The following CNTN5 variants were observed in gnomAD, a reference collection of about 807,000 sequenced individuals.
CNTN5 encodes contactin 5.
Under a neutral mutation model 129.1 loss-of-function variants are expected in CNTN5, and 77 were observed. The observed-to-expected ratio is 0.60, with a 90% CI of 0.50 to 0.72. The LOEUF (loss-of-function observed/expected upper bound fraction) is 0.72, where lower values mean the gene tolerates loss of function less well. Among genes scored for constraint, CNTN5 ranks in the 30% least tolerant of loss-of-function variants. The pLI is 0.00. For synonymous variants in CNTN5, 509 were observed against 465.6 expected (o/e 1.09, Z -1.20); for missense variants, 1,478 against 1,328.8 (o/e 1.11, Z -1.75).
At chr11:99,390,226 T>A (rs1055967396) in intron 2 of CNTN5, among the ~76,000 whole-genome samples, 1 of 151,996 alleles carries the variant, frequency 6.6e-6, no homozygotes, top group African/African-American at 2.4e-5. Flanking sequence ...CAAGCAATCC[T>A]ACTGCCTCAA....
At chr11:99,162,828 TC>T (rs904288043) in intron 1 of CNTN5, among the ~76,000 whole-genome samples, 2 of 152,196 alleles carry the variant, frequency 1.3e-5, no homozygotes, top group African/African-American at 4.8e-5. Flanking sequence ...AAATAAATGA[TC>T]AGTGAATGTG....
At chr11:99,352,794 C>T (rs903711058) in intron 2 of CNTN5, among the ~76,000 whole-genome samples, 1 of 152,164 alleles carries the variant, frequency 6.6e-6, no homozygotes, top group Non-Finnish European at 1.5e-5. Context: ...GAGGAAGGCT[C>T]TGGCCTACGT....
intron 7 of CNTN5, among the ~76,000 whole-genome samples, chr11:99,949,229 T>C (rs967195809): frequency 6.6e-6 from 1 of 152,222 alleles, no homozygotes; most frequent in African/African-American, 2.4e-5. Context: ...AAGTATCTAC[T>C]CTTGTTGTTG....
At chr11:99,998,980 C>G (rs889392815) in intron 8 of CNTN5, among the ~76,000 whole-genome samples, 2 of 151,964 alleles carry the variant, frequency 1.3e-5, no homozygotes, top group Non-Finnish European at 2.9e-5. Context: ...TGGATCCCTT[C>G]CTTACACCTT....
intron 1 of CNTN5, among the ~76,000 whole-genome samples, chr11:99,170,989 A>G (rs188386393): frequency 6.6e-6 from 1 of 152,336 alleles, no homozygotes; most frequent in Non-Finnish European, 1.5e-5. Context: ...TTAAAAATAG[A>G]AAGTCAAGAC....
At chr11:99,464,689 T>C (rs192715773) in intron 2 of CNTN5, among the ~76,000 whole-genome samples, 150 of 152,306 alleles carry the variant, frequency 9.8e-4, no homozygotes, top group African/African-American at 3.3e-3. Flanking sequence ...TTCAATTGGT[T>C]GAAGTTGAAA....
At chr11:100,260,330 G>A (rs770759797) in intron 17 of CNTN5, among the ~76,000 whole-genome samples, 1 of 152,168 alleles carries the variant, frequency 6.6e-6, no homozygotes, top group Non-Finnish European at 1.5e-5. Flanking sequence ...AGAAGCCCAG[G>A]ACCAGACAGA....
chr11:99,096,500 T>C (rs1866472029), intron 1 of CNTN5, among the ~76,000 whole-genome samples: 1 of 151,834 alleles, frequency 6.6e-6, no homozygotes, highest in Non-Finnish European at 1.5e-5. Flanking sequence ...CACAGAGTTG[T>C]CTATGATTGC....
intron 3 of CNTN5, among the ~76,000 whole-genome samples, chr11:99,709,673 GTAAA>G (rs1317874968): frequency 6.6e-6 from 1 of 151,740 alleles, no homozygotes; most frequent in Non-Finnish European, 1.5e-5. Flanking sequence ...TTTTTAATAA[GTAAA>G]TAATGCCATC....
At chr11:100,007,109 G>A (rs1481250576) in intron 9 of CNTN5, among the ~76,000 whole-genome samples, 2 of 152,040 alleles carry the variant, frequency 1.3e-5, no homozygotes, top group African/African-American at 4.8e-5. Context: ...CTGAGCTGTA[G>A]GTCTCAACAG....
intron 13 of CNTN5, among the ~76,000 whole-genome samples, chr11:100,094,767 A>AG (rs1468097132): frequency 3.8e-5 from 3 of 79,846 alleles, no homozygotes; most frequent in Admixed American, 2.6e-4. Flanking sequence ...GAGGGAGGAA[A>AG]GGAAGGAAGG....
chr11:99,713,322 C>T (rs933836001), intron 3 of CNTN5, among the ~76,000 whole-genome samples: 1 of 151,896 alleles, frequency 6.6e-6, no homozygotes, highest in African/African-American at 2.4e-5. Flanking sequence ...TATAGGAAGG[C>T]TTGTGATTTT....
intron 13 of CNTN5, among the ~76,000 whole-genome samples, chr11:100,109,741 C>G (rs920386141): frequency 1.3e-5 from 2 of 152,096 alleles, no homozygotes; most frequent in African/African-American, 2.4e-5. Context: ...TTGTTAAGGG[C>G]GCAACCTAAC....
intron 2 of CNTN5, among the ~76,000 whole-genome samples, chr11:99,505,769 T>C (rs968705654): frequency 6.6e-6 from 1 of 152,216 alleles, no homozygotes; most frequent in Non-Finnish European, 1.5e-5. Flanking sequence ...TTTCTCCAGG[T>C]TAGTAAAAAT....
chr11:99,410,373 G>C (rs765180794), intron 2 of CNTN5, among the ~76,000 whole-genome samples: 2 of 152,124 alleles, frequency 1.3e-5, no homozygotes, highest in Non-Finnish European at 2.9e-5. Flanking sequence ...TAACTTACAG[G>C]AGAAAAATGC....
intron 15 of CNTN5, among the ~76,000 whole-genome samples, chr11:100,216,645 C>T (rs762613836): frequency 7.3e-5 from 11 of 151,630 alleles, no homozygotes; most frequent in Admixed American, 2.6e-4. Context: ...TGGGTGTTAT[C>T]GGAAAGGTGA....
chr11:99,657,917 G>C (rs933767573), intron 3 of CNTN5, among the ~76,000 whole-genome samples: 1 of 152,060 alleles, frequency 6.6e-6, no homozygotes, highest in Non-Finnish European at 1.5e-5. Flanking sequence ...CTGTAAATTG[G>C]CCTTCTTTCA....
intron 2 of CNTN5, among the ~76,000 whole-genome samples, chr11:99,467,743 A>G (rs1245507833): frequency 1.3e-5 from 2 of 152,128 alleles, no homozygotes; most frequent in Non-Finnish European, 2.9e-5. Context: ...TATTTTCTCA[A>G]TAGTCACCAG....
chr11:99,806,880 T>C (rs1946288965), intron 3 of CNTN5, among the ~76,000 whole-genome samples: 1 of 160 alleles, frequency 6.3e-3, no homozygotes, highest in African/African-American at 0.025. Flanking sequence ...CATAAAATGA[T>C]CAATTAGTTC....
Sources: allele counts gnomAD v4.1 joint callset (sites outside exome capture counted in the v4.1 genomes callset), GRCh38; gene constraint gnomAD v4.1.1; transcripts MANE v1.5; gene names NCBI Gene and HGNC (gene_info 2026-07-23, HGNC 2026-07-21).